The following NBPF15 variants were observed in gnomAD, a reference collection of about 807,000 sequenced individuals.
NBPF15 encodes the protein NBPF member 15.
NBPF15 carries 74 observed loss-of-function variants against 62.2 expected under a neutral mutation model. The observed-to-expected ratio is 1.19, with a 90% CI of 0.99 to 1.44. The LOEUF is 1.44. Among genes scored for constraint, NBPF15 ranks in the 40% most tolerant of loss-of-function variants. The pLI is 0.00. For missense variants in NBPF15, 790 were observed against 550.0 expected, an observed-to-expected ratio of 1.44 and a Z score of -4.36; for synonymous variants, 244 against 209.7, an observed-to-expected ratio of 1.16 and a Z score of -1.41.
At chr1:144,427,021 A>G in intron 17 of NBPF15, 26 bp downstream of exon 17, 3 of 760,954 alleles carry the variant, frequency 3.9e-6, no homozygotes, top group Middle Eastern at 3.6e-4. Context: ...ACACACAATT[A>G]AGCATCCATA....
intron 21 of NBPF15, 105 bp from the exon 22 acceptor site, chr1:144,423,361 G>A (rs1455532938): frequency 6.3e-7 from 1 of 1,599,662 alleles, no homozygotes; most frequent in African/African-American, 1.4e-5. Context: ...AAAAGAAAAA[G>A]GATAGATTCA....
intron 13 of NBPF15, among the ~76,000 whole-genome samples, chr1:144,432,300 TA>T (rs1553540332): frequency 6.6e-6 from 1 of 151,424 alleles, no homozygotes; most frequent in East Asian, 1.9e-4. Context: ...CAAGAGCTCC[TA>T]AAGTAAGCAC....
rs587662766 is a variant in NBPF15, at chr1:144,453,451, A to G, written c.-431-2581T>C. On this transcript the variant is annotated intron_variant, in intron 4 of 21. Coordinates refer to ENST00000581897, the MANE Select transcript of NBPF15 (RefSeq NM_001385408.1). ...TTCTTAGATACAAAACCAAAAGCAC[A>G]ATCTACTAATGAAAAAAAAATTAAG... 3.3e-5 allele frequency among the ~76,000 whole-genome samples: 5 copies of G among 151,850 alleles called. No individual in the cohort carries two copies. In the East Asian group the frequency reaches 7.7e-4, roughly 24 times the overall value.
intron 6 of NBPF15, chr1:144,442,840 G>A (rs1416470768): frequency 5.0e-4 from 106 of 212,182 alleles, no homozygotes; most frequent in African/African-American, 1.8e-3. Context: ...GGAATTGACC[G>A]TGGATCTTCA....
chr1:144,426,571 G>A (rs1669815861), intron 17 of NBPF15, 121 bp from the exon 18 acceptor site: 8 of 718,266 alleles, frequency 1.1e-5, no homozygotes, highest in Non-Finnish European at 2.1e-5. Flanking sequence ...ATCCATTAAT[G>A]AGGTAATGAA....
intron 6 of NBPF15, among the ~76,000 whole-genome samples, chr1:144,446,926 A>C (rs1393997950): frequency 6.7e-6 from 1 of 149,040 alleles, no homozygotes; most frequent in East Asian, 2.0e-4. Flanking sequence ...AAAAATTCCC[A>C]CTATGGTGAC....
chr1:144,423,837 C>G (rs111661293), intron 21 of NBPF15, 33 bp downstream of exon 21: 15 of 762,846 alleles, frequency 2.0e-5, no homozygotes, highest in South Asian at 5.4e-5. Context: ...GGTGTTAACA[C>G]AGAATTAAGC....
chr1:144,445,828 C>T (rs1369181969), intron 6 of NBPF15, among the ~76,000 whole-genome samples: 15 of 146,512 alleles, frequency 1.0e-4, no homozygotes, highest in African/African-American at 3.5e-4. Context: ...GGTGTACTGG[C>T]CTTACATAAA....
chr1:144,446,143 G>T lies in NBPF15; in HGVS notation c.-191+2632C>A, dbSNP rs587627514. On this transcript the variant is annotated intron_variant, in intron 6 of 21. Coordinates refer to ENST00000581897, the MANE Select transcript of NBPF15 (RefSeq NM_001385408.1). ...GCTGAGATTACAGGTGTGAGCCACG[G>T]TGCCCAGTCTGTTGAATTTATTTAT... Among the ~76,000 whole-genome samples, 1,173 of 151,874 alleles carry T rather than the reference G, an allele frequency of 7.7e-3. 7 individuals are homozygous for T. Among genetic ancestry groups the T allele is most frequent in the Admixed American group, 0.013 (192 of 15,250 alleles).
chr1:144,442,201 ATAT>A (rs1396758282), intron 6 of NBPF15, among the ~76,000 whole-genome samples: 66 of 106,940 alleles, frequency 6.2e-4, no homozygotes, highest in Non-Finnish European at 8.9e-4. Context: ...ACGTGTATAT[ATAT>A]TATTAATATA....
rs372742293 is a variant in NBPF15 at position 144,456,191 on chromosome 1, C to T, written c.-432+346G>A. On this transcript the variant is annotated intron_variant, in intron 4 of 21. Transcript: ENST00000581897. ...AGAGGAGAAAGCAGGTGAAAGGGGA[C>T]GGCAGGGTGGAAACAAGAGACGGAA... 1.2e-3 allele frequency among the ~76,000 whole-genome samples: 167 copies of T among 143,720 alleles called. 1 individual carries two copies. The highest frequency in any genetic ancestry group is 1.8e-3 in the African/African-American group (68 of 38,330). 94.3% of individuals were successfully genotyped at this position (143,720 alleles called of 152,430 possible).
chr1:144,427,101 G>T lies in NBPF15; in HGVS notation c.1214-3C>A. On this transcript the variant is annotated splice_region_variant and splice_polypyrimidine_tract_variant and intron_variant, in intron 16 of 21. Transcript: ENST00000581897. ...CACTTCTTGGTACTTTTCAATTTCT[G>T]CAATAAGTTCAGACATGGACAGACA... is the stretch of plus-strand genomic sequence containing the variant. 1.8e-6 allele frequency: 1 copy of T among 568,990 alleles called. No homozygotes were observed. The highest frequency in any genetic ancestry group is 2.0e-5 in the South Asian group (1 of 49,040). 35.2% of individuals were successfully genotyped at this position (568,990 alleles called of 1,614,324 possible). A position where few individuals can be genotyped will look rare whatever the true frequency, so the allele number is the denominator to read the frequency against.
chr1:144,429,381 G>A (rs1553539890), intron 14 of NBPF15, among the ~76,000 whole-genome samples: 1 of 151,364 alleles, frequency 6.6e-6, no homozygotes, highest in East Asian at 1.9e-4. Flanking sequence ...CAGATGAGCT[G>A]AGCTGACAGA....
At chr1:144,436,694 A>G (rs1476594742) in intron 10 of NBPF15, among the ~76,000 whole-genome samples, 2 of 151,930 alleles carry the variant, frequency 1.3e-5, no homozygotes, top group Admixed American at 1.3e-4. Flanking sequence ...TCAAGGGAGG[A>G]GGGACACTTG....
intron 10 of NBPF15, among the ~76,000 whole-genome samples, chr1:144,436,527 T>C (rs1678509889): frequency 6.6e-6 from 1 of 152,004 alleles, no homozygotes; most frequent in Non-Finnish European, 1.5e-5. Context: ...ATTCACTCTC[T>C]GACAGTTACT....
chr1:144,431,163 CAGG>C (rs1673946765), intron 13 of NBPF15, among the ~76,000 whole-genome samples: 1 of 151,032 alleles, frequency 6.6e-6, no homozygotes, highest in East Asian at 1.9e-4. Context: ...GGATATTATC[CAGG>C]AGGACTTCCC....
At chr1:144,459,073 A>T (rs1159897356) in intron 3 of NBPF15, among the ~76,000 whole-genome samples, 11 of 151,800 alleles carry the variant, frequency 7.2e-5, no homozygotes, top group Non-Finnish European at 1.2e-4. Context: ...CTAAAATAAA[A>T]TTGCTATAAG....
At position 144,440,288 on chromosome 1, in the gene NBPF15, G is replaced by T; in HGVS notation, c.-183C>A. On this transcript the variant is annotated 5_prime_UTR_variant, in exon 7 of 22. The change creates a premature stop within an existing upstream ORF in the 5' untranslated region. Transcript: ENST00000581897. The stretch of plus-strand genomic sequence containing the variant: ...AGGTAGATTGTGGCCAGCGTGCCAG[G>T]TAACCGTCTGCAGTTGCAATAACAG... 2.1e-6 allele frequency: 3 copies of T among 1,453,314 alleles called. No homozygotes were observed. The highest frequency in any genetic ancestry group is 1.8e-6 in the Non-Finnish European group (2 of 1,086,594). 90.0% of individuals were successfully genotyped at this position (1,453,314 alleles called of 1,614,324 possible). A position where few individuals can be genotyped will look rare whatever the true frequency, so the allele number is the denominator to read the frequency against.
chr1:144,423,035 A>T lies in NBPF15; in HGVS notation c.1991T>A (p.Met664Lys), dbSNP rs371614194. The T allele has an allele frequency of 9.7e-5, 156 of 1,611,540 alleles. No individual in the cohort carries two copies. The highest frequency in any genetic ancestry group is 9.7e-5 in the Non-Finnish European group (115 of 1,179,642). ...TGCTTATTGTGGGAATATGACTCCC[A>T]TCTGGAACACCAGGTGGAGACTTGT... is the stretch of plus-strand genomic sequence containing the variant. ...TVTSLHLVFQ[M>K]GVIFPQ Residue 664 changes from methionine (M) to lysine (K), a missense_variant, in exon 22 of 22, where the codon ATG becomes AAG. By Grantham distance (95) the Met-to-Lys change is moderately conservative. Transcript: ENST00000581897.
Sources: gnomAD v4.1 joint callset for allele counts (sites outside exome capture counted in the v4.1 genomes callset) on GRCh38, gnomAD v4.1.1 for gene constraint, MANE v1.5 for transcripts, NCBI Gene and HGNC (gene_info 2026-07-23, HGNC 2026-07-21) for gene names.